Variants in RPP30 observed in about 807,000 individuals in gnomAD.
The protein encoded by RPP30 is ribonuclease P protein subunit p30.
In RPP30, 36 loss-of-function variants were observed where a neutral mutation model predicts 38.6. The ratio of observed to expected loss-of-function variants is 0.93; its 90% CI spans 0.71 to 1.23. The LOEUF (loss-of-function observed/expected upper bound fraction) is 1.23. RPP30 is among the 50% of genes most tolerant of loss of function. The pLI is 0.00. For synonymous variants in RPP30, 126 were observed against 112.7 expected (o/e 1.12, Z -0.75); for missense variants, 321 against 321.7 (o/e 1.00, Z 0.02).
intron 5 of RPP30, among the ~76,000 whole-genome samples, chr10:90,883,751 T>C (rs576533774): frequency 6.6e-6 from 1 of 152,182 alleles, no homozygotes; most frequent in African/African-American, 2.4e-5. Flanking sequence ...AACAGGCTTT[T>C]AAAGAATTAA....
At chr10:90,880,712 T>G (rs185116714) in intron 5 of RPP30, among the ~76,000 whole-genome samples, 2 of 152,078 alleles carry the variant, frequency 1.3e-5, no homozygotes, top group Admixed American at 1.3e-4. Flanking sequence ...AGAGTAAGAC[T>G]GTGTCTCAAA....
intron 10 of RPP30, among the ~76,000 whole-genome samples, chr10:90,900,336 T>A (rs1847185955): frequency 6.6e-6 from 1 of 152,242 alleles, no homozygotes; most frequent in Admixed American, 6.5e-5. Context: ...GATAACACTG[T>A]CCTGCAGTTT....
intron 5 of RPP30, 131 bp from the exon 6 acceptor site, chr10:90,885,681 A>T: frequency 1.5e-6 from 1 of 647,478 alleles, no homozygotes; most frequent in South Asian, 1.8e-5. Context: ...AAAAGGTCAG[A>T]TGTATTTCAA....
chr10:90,902,878 A>G (rs1301122135), downstream of RPP30, among the ~76,000 whole-genome samples: 1 of 152,226 alleles, frequency 6.6e-6, no homozygotes, highest in African/African-American at 2.4e-5. Context: ...CTTGTGTGCC[A>G]GTTTGCTTTT....
Position 90,889,304 on chromosome 10 carries a change from CTTTTTT to C in RPP30, c.432+3420_432+3425del, listed in dbSNP as rs59640704. 1.0e-4 allele frequency among the ~76,000 whole-genome samples: 11 copies of C among 106,538 alleles called. No individual in the cohort carries two copies. In the East Asian group the frequency reaches 2.6e-3, roughly 26 times the overall value. The allele number at this position is 106,538 out of a possible 152,430, so 69.9% of individuals were successfully genotyped here. ...TAAAAGGATCACTTTATAAGGATTA[CTTTTTT>C]TTTTTTTTTTTTTTTTGAGACAGAG... On this transcript the variant is annotated intron_variant, in intron 6 of 10. Coordinates refer to ENST00000371703, the MANE Select transcript of RPP30 (RefSeq NM_006413.5).
Position 90,901,001 on chromosome 10 carries a change from G to A in RPP30, c.*322G>A. On this transcript the variant is annotated 3_prime_UTR_variant, in exon 11 of 11. Coordinates refer to ENST00000371703, the MANE Select transcript of RPP30 (RefSeq NM_006413.5). ...TATTTTTGTTTCATTTTGTTTTTGA[G>A]ATAGGGTCTTTGTTGCTCAGGCTGG... 1.0e-6 allele frequency: 1 copy of A among 977,860 alleles called. No individual in the cohort carries two copies. The highest frequency in any genetic ancestry group is 1.2e-6 in the Non-Finnish European group (1 of 808,166). The allele number at this position is 977,860 out of a possible 1,614,324, so 60.6% of individuals were successfully genotyped here. A position where few individuals can be genotyped will look rare whatever the true frequency, so the allele number is the denominator to read the frequency against.
chr10:90,907,429 A>C (rs1007041817), downstream of RPP30, among the ~76,000 whole-genome samples: 2 of 152,216 alleles, frequency 1.3e-5, no homozygotes, highest in African/African-American at 2.4e-5. Context: ...ACTAGACAGA[A>C]AAGGTACAAA....
intron 2 of RPP30, 109 bp from the exon 3 acceptor site, chr10:90,875,449 C>CT (rs938583772): frequency 2.0e-5 from 17 of 854,046 alleles, no homozygotes; most frequent in African/African-American, 1.4e-4. Context: ...ACCTTGCTTT[C>CT]TTTTTAAAAA....
intron 10 of RPP30, among the ~76,000 whole-genome samples, chr10:90,899,849 ACTGT>A (rs1451996634): frequency 5.9e-5 from 9 of 152,204 alleles, no homozygotes; most frequent in Admixed American, 5.9e-4. Context: ...AGGGAAAAGC[ACTGT>A]CTGTTAGGAA....
chr10:90,876,012 T>A lies in RPP30; in HGVS notation c.196-12T>A. ...TTTTGTGCTTTTTTGACATCATGTCTTTTTTAAATAGGGAAAATCAAGACC... is the reference window on the plus strand; with the variant it reads ...TTTTGTGCTTTTTTGACATCATGTCATTTTTAAATAGGGAAAATCAAGACC... On this transcript the variant is annotated splice_polypyrimidine_tract_variant and intron_variant, in intron 3 of 10. Coordinates refer to ENST00000371703, the MANE Select transcript of RPP30 (RefSeq NM_006413.5). The A allele has an allele frequency of 6.9e-7, 1 of 1,445,494 alleles. No homozygotes were observed. The highest frequency in any genetic ancestry group is 9.7e-7 in the Non-Finnish European group (1 of 1,028,906). 89.5% of individuals were successfully genotyped at this position (1,445,494 alleles called of 1,614,324 possible).
intron 5 of RPP30, chr10:90,880,147 C>CAATTAAGATAACTGACTGTGAACAGTT (rs1846905091): frequency 6.6e-6 from 1 of 150,472 alleles, no homozygotes; most frequent in Admixed American, 6.6e-5. Flanking sequence ...TGTGAACAGT[C>CAATTAAGATAACTGACTGTGAACAGTT]AATTAAGATA....
downstream of RPP30, among the ~76,000 whole-genome samples, chr10:90,902,986 T>A (rs536485240): frequency 3.9e-5 from 6 of 152,342 alleles, no homozygotes; most frequent in South Asian, 1.0e-3. Flanking sequence ...ATTATTTTTT[T>A]AAATATGAAA....
downstream of RPP30, among the ~76,000 whole-genome samples, chr10:90,904,268 G>A (rs1203750665): frequency 1.3e-5 from 2 of 152,214 alleles, no homozygotes; most frequent in African/African-American, 4.8e-5. Context: ...TGTTCAGTAA[G>A]TGATACTGAA....
chr10:90,901,803 C>T lies in RPP30; in HGVS notation c.*1124C>T, dbSNP rs570961894. 1.4e-5 allele frequency: 14 copies of T among 969,320 alleles called. No homozygotes were observed. The highest frequency in any genetic ancestry group is 4.8e-5 in the South Asian group (1 of 20,894). 60.0% of individuals were successfully genotyped at this position (969,320 alleles called of 1,614,324 possible). On this transcript the variant is annotated 3_prime_UTR_variant, in exon 11 of 11. Transcript: ENST00000371703. ...AAGCAAGAGAAAGACAACTGTTCTGCGGGTTGGAGAAAATACAATTTTTTT... is the reference window on the plus strand; with the variant it reads ...AAGCAAGAGAAAGACAACTGTTCTGTGGGTTGGAGAAAATACAATTTTTTT...
chr10:90,900,906 A>C lies in RPP30; in HGVS notation c.*227A>C. On this transcript the variant is annotated 3_prime_UTR_variant, in exon 11 of 11. Coordinates refer to ENST00000371703, the MANE Select transcript of RPP30 (RefSeq NM_006413.5). ...TGAATTTAGATGTACTTTAAGAGAG[A>C]AAGACTGGTTATTTCTCCTTTGTGT... 2.4e-6 allele frequency: 3 copies of C among 1,247,918 alleles called. No individual in the cohort carries two copies. Among genetic ancestry groups the C allele is most frequent in the Non-Finnish European group, 2.0e-6 (2 of 995,618 alleles). 77.3% of individuals were successfully genotyped at this position (1,247,918 alleles called of 1,614,324 possible). A position where few individuals can be genotyped will look rare whatever the true frequency, so the allele number is the denominator to read the frequency against.
At chr10:90,888,754 G>GT (rs1847035450) in intron 6 of RPP30, among the ~76,000 whole-genome samples, 1 of 152,086 alleles carries the variant, frequency 6.6e-6, no homozygotes, top group Admixed American at 6.5e-5. Context: ...AGCTCCTTTC[G>GT]TTTGATGGGC....
chr10:90,873,869 C>A (rs1846816117), intron 1 of RPP30, among the ~76,000 whole-genome samples: 1 of 152,018 alleles, frequency 6.6e-6, no homozygotes, highest in Non-Finnish European at 1.5e-5. Flanking sequence ...GACCCCTACA[C>A]CAGGTTTCAC....
intron 6 of RPP30, 76 bp from the exon 7 acceptor site, chr10:90,894,699 G>A: frequency 9.8e-7 from 1 of 1,021,304 alleles, no homozygotes; most frequent in Non-Finnish European, 1.6e-6. Context: ...GAGGAGGGAT[G>A]TGAAGAGAGA....
intron 6 of RPP30, among the ~76,000 whole-genome samples, chr10:90,891,044 C>G (rs940913806): frequency 1.3e-5 from 2 of 152,204 alleles, no homozygotes; most frequent in Admixed American, 6.5e-5. Context: ...TAAATGAGAA[C>G]AGTCCCTATG....
Sources: gnomAD v4.1 joint callset for allele counts (sites outside exome capture counted in the v4.1 genomes callset) on GRCh38, gnomAD v4.1.1 for gene constraint, MANE v1.5 for transcripts, NCBI Gene and HGNC (gene_info 2026-07-23, HGNC 2026-07-21) for gene names.